Variants in EYS observed in about 807,000 individuals in gnomAD.
EYS encodes the protein EGF-like photoreceptor maintenance factor.
In EYS, 250 loss-of-function variants were observed where a neutral mutation model predicts 282.1. The observed-to-expected ratio is 0.89, with a 90% CI of 0.80 to 0.98. The LOEUF is 0.98. Ranked by LOEUF, EYS falls within the 50% of genes least tolerant of loss-of-function variation. The probability of loss-of-function intolerance (pLI) is 0.00; values close to 1 mark genes in which losing one functional copy is unlikely to be tolerated. For missense variants in EYS, 4,016 were observed against 3,709.0 expected, an observed-to-expected ratio of 1.08 and a Z score of -2.15; for synonymous variants, 1,355 against 1,282.9, an observed-to-expected ratio of 1.06 and a Z score of -1.20.
intron 12 of EYS, among the ~76,000 whole-genome samples, chr6:65,285,498 T>C (rs1354143281): frequency 2.6e-5 from 4 of 152,002 alleles, no homozygotes; most frequent in African/African-American, 9.7e-5. Context: ...TTGAAAATTG[T>C]ATAGATTAGA....
In EYS at chr6:65,025,084, A is replaced by C. The variant is rs1285537404; in HGVS notation, c.2138-27381T>G. Among the ~76,000 whole-genome samples, 3 of 152,230 alleles carry C rather than the reference A, an allele frequency of 2.0e-5. No individual in the cohort carries two copies. The East Asian group carries it at 5.8e-4, about 29-fold the overall frequency. On this transcript the variant is annotated intron_variant, in intron 13 of 42. Coordinates refer to ENST00000503581, the MANE Select transcript of EYS (RefSeq NM_001142800.2). ...TAATTCACATTTAAATTTCCAAGAA[A>C]AGTGCTCTTCTGAATATTTTAAAGA...
At chr6:64,929,659 A>G (rs575286449) in intron 15 of EYS, among the ~76,000 whole-genome samples, 15 of 152,168 alleles carry the variant, frequency 9.9e-5, no homozygotes, top group Non-Finnish European at 1.9e-4. Flanking sequence ...CTCCTTTTTG[A>G]TAAAATTTGA....
In EYS at chr6:64,501,096, T is replaced by A. The variant is rs538350618; in HGVS notation, c.5645-61744A>T. The stretch of plus-strand genomic sequence containing the variant: ...CATCTTAAATTCTAGGGTTTTTTTT[T>A]AACTTTTTATTTACTAATTTCATTG... On this transcript the variant is annotated intron_variant, in intron 26 of 42. Coordinates refer to ENST00000503581, the MANE Select transcript of EYS (RefSeq NM_001142800.2). Among the ~76,000 whole-genome samples, 3 of 151,642 alleles carry A rather than the reference T, an allele frequency of 2.0e-5. No individual in the cohort carries two copies. The South Asian group carries it at 6.3e-4, about 32-fold the overall frequency.
chr6:63,971,947 G>T (rs1223755192), intron 35 of EYS, among the ~76,000 whole-genome samples: 4 of 152,198 alleles, frequency 2.6e-5, no homozygotes, highest in African/African-American at 9.7e-5. Context: ...TAAACTCAAA[G>T]ACTTTCCCAA....
chr6:63,895,218 C>T (rs976200258), intron 35 of EYS, among the ~76,000 whole-genome samples: 5 of 131,886 alleles, frequency 3.8e-5, no homozygotes, highest in African/African-American at 1.4e-4. Context: ...ATTTAGATAG[C>T]ATCTTTTCCC....
At position 64,249,777 on chromosome 6, in the gene EYS, C is replaced by T. The variant is rs1211192162; in HGVS notation, c.6192-18953G>A. Among the ~76,000 whole-genome samples the T allele has an allele frequency of 1.1e-4, 17 of 152,180 alleles. 1 individual carries two copies. The highest frequency in any genetic ancestry group is 1.1e-3 in the Admixed American group (17 of 15,264). ...GGAATGCATCTACCGCAAACTTGTA[C>T]TTAACGGATAGAGAATAAGGAATAA... is the stretch of plus-strand genomic sequence containing the variant. On this transcript the variant is annotated intron_variant, in intron 30 of 42. Transcript: ENST00000503581.
At chr6:63,799,915 G>A (rs938391347) in intron 37 of EYS, among the ~76,000 whole-genome samples, 2 of 152,220 alleles carry the variant, frequency 1.3e-5, no homozygotes, top group African/African-American at 4.8e-5. Flanking sequence ...GAAGCTTGAC[G>A]GTGGACTGAA....
intron 8 of EYS, among the ~76,000 whole-genome samples, chr6:65,355,522 A>C (rs373913009): frequency 6.6e-6 from 1 of 152,070 alleles, no homozygotes; most frequent in East Asian, 1.9e-4. Context: ...ATAATCAATA[A>C]AGTGAACAGA....
chr6:65,560,482 T>C (rs1562259593), intron 2 of EYS, among the ~76,000 whole-genome samples: 1 of 149,906 alleles, frequency 6.7e-6, no homozygotes. Flanking sequence ...TTGGTGTCCA[T>C]TATTTTGTAA....
intron 19 of EYS, among the ~76,000 whole-genome samples, chr6:64,878,879 T>G (rs1045435628): frequency 4.6e-5 from 7 of 152,124 alleles, no homozygotes; most frequent in African/African-American, 1.7e-4. Context: ...TCTTGGTCAT[T>G]GCTCTGTGCT....
chr6:63,981,609 T>C (rs1241987240), intron 35 of EYS, among the ~76,000 whole-genome samples: 1 of 151,866 alleles, frequency 6.6e-6, no homozygotes, highest in Admixed American at 6.6e-5. Context: ...CATCTCCATG[T>C]GGCTAGCAGT....
At chr6:64,144,112 A>G (rs1582335075) in intron 31 of EYS, among the ~76,000 whole-genome samples, 1 of 152,286 alleles carries the variant, frequency 6.6e-6, no homozygotes, top group South Asian at 2.1e-4. Context: ...TGAATTGCTA[A>G]TGCTGGGGTT....
At chr6:65,066,546 C>A (rs765882998) in intron 12 of EYS, among the ~76,000 whole-genome samples, 4 of 152,124 alleles carry the variant, frequency 2.6e-5, no homozygotes. Flanking sequence ...AGACCTGTTT[C>A]ATGATACAGT....
intron 28 of EYS, among the ~76,000 whole-genome samples, chr6:64,404,355 T>C (rs1773633848): frequency 1.3e-5 from 2 of 151,686 alleles, no homozygotes; most frequent in South Asian, 4.2e-4. Context: ...TAGTCCTTTT[T>C]CTAAATTGTA....
At chr6:64,458,205 T>C (rs1373683893) in intron 26 of EYS, among the ~76,000 whole-genome samples, 2 of 152,104 alleles carry the variant, frequency 1.3e-5, no homozygotes, top group East Asian at 3.8e-4. Flanking sequence ...ATATATGTGA[T>C]TTACATACCA....
intron 26 of EYS, among the ~76,000 whole-genome samples, chr6:64,552,286 G>A (rs1467455552): frequency 6.6e-6 from 1 of 152,170 alleles, no homozygotes. Flanking sequence ...AGAAATTGAA[G>A]TATTAATATT....
At chr6:64,939,874 T>C (rs1347855698) in intron 15 of EYS, among the ~76,000 whole-genome samples, 1 of 151,914 alleles carries the variant, frequency 6.6e-6, no homozygotes, top group African/African-American at 2.4e-5. Context: ...GGCTAATCTA[T>C]GCAAATGAGA....
intron 31 of EYS, among the ~76,000 whole-genome samples, chr6:64,173,846 AC>A (rs200542206): frequency 2.8e-4 from 42 of 152,182 alleles, no homozygotes; most frequent in African/African-American, 8.9e-4. Flanking sequence ...AATTTAAAAA[AC>A]AAATCTGGAA....
At chr6:65,667,615 T>A (rs769168405) in intron 1 of EYS, among the ~76,000 whole-genome samples, 12 of 151,892 alleles carry the variant, frequency 7.9e-5, no homozygotes, top group Non-Finnish European at 1.8e-4. Context: ...TTATTAATTG[T>A]CAGTCACATT....
Sources: allele counts gnomAD v4.1 joint callset (sites outside exome capture counted in the v4.1 genomes callset), GRCh38; gene constraint gnomAD v4.1.1; transcripts MANE v1.5; gene names NCBI Gene and HGNC (gene_info 2026-07-23, HGNC 2026-07-21).